Variants in KCNIP4 observed in about 807,000 individuals in gnomAD.
KCNIP4 encodes Kv channel-interacting protein 4.
KCNIP4 carries 12 observed loss-of-function variants against 34.0 expected under a neutral mutation model. The observed-to-expected ratio is 0.35, with a 90% CI of 0.23 to 0.57. The LOEUF is 0.57. Ranked by LOEUF, KCNIP4 falls within the 20% of genes least tolerant of loss-of-function variation. The pLI is 0.83. For synonymous variants in KCNIP4, 124 were observed against 102.2 expected, an observed-to-expected ratio of 1.21 and a Z score of -1.29; for missense variants, 238 against 311.7, an observed-to-expected ratio of 0.76 and a Z score of 1.78.
At chr4:21,683,321 T>C (rs1489657402) in intron 1 of KCNIP4, among the ~76,000 whole-genome samples, 4 of 152,056 alleles carry the variant, frequency 2.6e-5, no homozygotes, top group Non-Finnish European at 5.9e-5. Context: ...TTCATGTCAC[T>C]TGCCTTTACT....
intron 1 of KCNIP4, among the ~76,000 whole-genome samples, chr4:21,337,725 T>C (rs951993459): frequency 6.6e-6 from 1 of 152,178 alleles, no homozygotes; most frequent in African/African-American, 2.4e-5. Flanking sequence ...ATGTACCTCA[T>C]TTTGAATAAA....
chr4:21,011,391 G>A (rs1465986372), intron 1 of KCNIP4, among the ~76,000 whole-genome samples: 1 of 152,200 alleles, frequency 6.6e-6, no homozygotes, highest in Admixed American at 6.5e-5. Context: ...GAAAGTCTTT[G>A]AAGGGTCTGG....
chr4:21,831,663 CAAAAA>C (rs141374886), intron 1 of KCNIP4, among the ~76,000 whole-genome samples: 2 of 73,222 alleles, frequency 2.7e-5, no homozygotes, highest in East Asian at 4.5e-4. Flanking sequence ...CATTTTTCAT[CAAAAA>C]AAAAAAAAAA....
At chr4:21,000,561 T>C (rs1195318207) in intron 1 of KCNIP4, among the ~76,000 whole-genome samples, 1 of 152,070 alleles carries the variant, frequency 6.6e-6, no homozygotes, top group Non-Finnish European at 1.5e-5. Context: ...GGTGCATGCC[T>C]GTAATCCCAG....
At chr4:21,358,862 A>G (rs1275592723) in intron 1 of KCNIP4, among the ~76,000 whole-genome samples, 2 of 151,980 alleles carry the variant, frequency 1.3e-5, no homozygotes, top group Non-Finnish European at 2.9e-5. Flanking sequence ...GACCTGGAAG[A>G]CCCTTCCCCT....
intron 1 of KCNIP4, among the ~76,000 whole-genome samples, chr4:21,860,007 C>G (rs1724981371): frequency 6.6e-6 from 1 of 152,196 alleles, no homozygotes; most frequent in Admixed American, 6.5e-5. Context: ...TGCCACTGCA[C>G]TCCAGGCTGG....
chr4:21,518,582 C>T (rs542611419), intron 1 of KCNIP4, among the ~76,000 whole-genome samples: 3 of 152,082 alleles, frequency 2.0e-5, no homozygotes, highest in Admixed American at 2.0e-4. Context: ...AGAGGTAGGA[C>T]CTGCCGAGGT....
intron 1 of KCNIP4, among the ~76,000 whole-genome samples, chr4:21,003,112 T>C (rs957454606): frequency 6.6e-6 from 1 of 152,206 alleles, no homozygotes; most frequent in Non-Finnish European, 1.5e-5. Context: ...TTTGATCTGC[T>C]GATGTCCTCT....
At chr4:21,263,393 C>T (rs760482652) in intron 1 of KCNIP4, among the ~76,000 whole-genome samples, 3 of 152,152 alleles carry the variant, frequency 2.0e-5, no homozygotes, top group Non-Finnish European at 4.4e-5. Context: ...ACTGCAAACC[C>T]GTGTTCTTAA....
chr4:21,136,010 T>A (rs899141344), intron 1 of KCNIP4, among the ~76,000 whole-genome samples: 1 of 152,232 alleles, frequency 6.6e-6, no homozygotes, highest in Non-Finnish European at 1.5e-5. Flanking sequence ...ATTTATTACA[T>A]CTTCCAAAAC....
intron 1 of KCNIP4, among the ~76,000 whole-genome samples, chr4:21,408,088 G>A (rs898453377): frequency 1.3e-5 from 2 of 152,194 alleles, no homozygotes; most frequent in African/African-American, 4.8e-5. Context: ...AACGAAGCCG[G>A]TAGACATTGA....
At chr4:20,884,939 G>T (rs1246704902) in intron 1 of KCNIP4, among the ~76,000 whole-genome samples, 3 of 151,994 alleles carry the variant, frequency 2.0e-5, no homozygotes, top group African/African-American at 7.3e-5. Context: ...GACCTCAAGT[G>T]ATCCACCCAC....
chr4:21,220,658 G>A (rs1757925987), intron 1 of KCNIP4, among the ~76,000 whole-genome samples: 1 of 152,078 alleles, frequency 6.6e-6, no homozygotes, highest in Non-Finnish European at 1.5e-5. Context: ...ACTTGAGGCT[G>A]AGCCTAGAAT....
At chr4:21,048,981 C>T (rs1560676584) in intron 1 of KCNIP4, among the ~76,000 whole-genome samples, 3 of 129,430 alleles carry the variant, frequency 2.3e-5, no homozygotes, top group East Asian at 2.2e-4. Flanking sequence ...GACGGAGTCT[C>T]GCTCTGTCGC....
At chr4:21,147,180 A>C (rs1212135545) in intron 1 of KCNIP4, among the ~76,000 whole-genome samples, 1 of 152,010 alleles carries the variant, frequency 6.6e-6, no homozygotes, top group Non-Finnish European at 1.5e-5. Context: ...CTTGGCTGCA[A>C]CTGGGTAGGG....
chr4:21,199,359 C>T (rs1320667849), intron 1 of KCNIP4, among the ~76,000 whole-genome samples: 2 of 152,178 alleles, frequency 1.3e-5, no homozygotes, highest in African/African-American at 4.8e-5. Context: ...CTGTTGGCTG[C>T]ATAAATGTCT....
At chr4:21,457,242 C>T (rs147946893) in intron 1 of KCNIP4, among the ~76,000 whole-genome samples, 1 of 152,020 alleles carries the variant, frequency 6.6e-6, no homozygotes. Flanking sequence ...TCTCCGGGAC[C>T]GCCCCTAACA....
At chr4:21,645,965 TTTG>T (rs1454374289) in intron 1 of KCNIP4, among the ~76,000 whole-genome samples, 7 of 152,222 alleles carry the variant, frequency 4.6e-5, no homozygotes, top group Non-Finnish European at 5.9e-5. Context: ...TCAAATGCAC[TTTG>T]TTATCTGTTG....
chr4:21,934,199 A>G (rs1040929458), intron 1 of KCNIP4, among the ~76,000 whole-genome samples: 1 of 152,062 alleles, frequency 6.6e-6, no homozygotes, highest in Admixed American at 6.6e-5. Flanking sequence ...CTCTTTGCCC[A>G]GGATAAGATA....
Sources: allele counts gnomAD v4.1 joint callset (sites outside exome capture counted in the v4.1 genomes callset), GRCh38; gene constraint gnomAD v4.1.1; transcripts MANE v1.5; gene names NCBI Gene and HGNC (gene_info 2026-07-23, HGNC 2026-07-21).